The following NKAIN3 variants were observed in gnomAD, a reference collection of about 807,000 sequenced individuals.
NKAIN3 encodes sodium/potassium transporting ATPase interacting 3, also known as sodium/potassium-transporting ATPase subunit beta-1-interacting protein 3.
Under a neutral mutation model 30.2 loss-of-function variants are expected in NKAIN3, and 25 were observed. The ratio of observed to expected loss-of-function variants is 0.83; its 90% CI spans 0.60 to 1.16. The LOEUF is 1.16. Among genes scored for constraint, NKAIN3 ranks in the 50% most tolerant of loss-of-function variants. The pLI, the probability that NKAIN3 is intolerant of heterozygous loss-of-function variation, is 0.00. For missense variants in NKAIN3, 225 were observed against 254.1 expected, an observed-to-expected ratio of 0.89 and a Z score of 0.78; for synonymous variants, 91 against 89.6, an observed-to-expected ratio of 1.02 and a Z score of -0.09.
chr8:62,802,347 A>G (rs1439925524), intron 4 of NKAIN3, among the ~76,000 whole-genome samples: 2 of 152,172 alleles, frequency 1.3e-5, no homozygotes, highest in African/African-American at 4.8e-5. Flanking sequence ...ATGAAGGAAA[A>G]AATGTTAAGG....
In NKAIN3 at chr8:62,716,104, G is replaced by A. The variant is rs62509546; in HGVS notation, c.274-30828G>A. ...TCAAGGTTGTTTTGACTGAATGAGT[G>A]TAGATCCTGTTCCTCCTTTTCTACT... On this transcript the variant is annotated intron_variant, in intron 3 of 6. Transcript: ENST00000623646. 3.7e-3 allele frequency among the ~76,000 whole-genome samples: 557 copies of A among 152,204 alleles called. 1 individual carries two copies. The highest frequency in any genetic ancestry group is 6.9e-3 in the Non-Finnish European group (472 of 67,986).
intron 4 of NKAIN3, among the ~76,000 whole-genome samples, chr8:62,764,201 G>C (rs562410203): frequency 6.6e-6 from 1 of 152,320 alleles, no homozygotes; most frequent in East Asian, 1.9e-4. Context: ...TTCCTGCTCT[G>C]TCAGCTACCC....
chr8:62,305,595 CT>C (rs1814205968), intron 1 of NKAIN3, among the ~76,000 whole-genome samples: 1 of 150,430 alleles, frequency 6.6e-6, no homozygotes. Context: ...TGGAAGCTAT[CT>C]ATACTCTTTC....
chr8:62,321,570 C>T (rs1194189236), intron 1 of NKAIN3, among the ~76,000 whole-genome samples: 1 of 152,218 alleles, frequency 6.6e-6, no homozygotes, highest in Admixed American at 6.5e-5. Context: ...AGCTGCAGGT[C>T]TGTTGGATTT....
intron 4 of NKAIN3, among the ~76,000 whole-genome samples, chr8:62,801,815 T>A (rs1324639758): frequency 6.6e-6 from 1 of 152,122 alleles, no homozygotes; most frequent in African/African-American, 2.4e-5. Context: ...ACAATCAAAC[T>A]ACTCCGAGTT....
At chr8:62,654,794 C>T (rs1445169500) in intron 3 of NKAIN3, among the ~76,000 whole-genome samples, 1 of 151,700 alleles carries the variant, frequency 6.6e-6, no homozygotes, top group African/African-American at 2.4e-5. Flanking sequence ...TTCCATGAAA[C>T]AAGGGAATGA....
intron 4 of NKAIN3, among the ~76,000 whole-genome samples, chr8:62,911,670 T>C (rs1249177161): frequency 1.3e-5 from 2 of 151,984 alleles, no homozygotes; most frequent in Non-Finnish European, 2.9e-5. Context: ...AGAAATCTGG[T>C]TTATCCATGT....
chr8:62,750,570 G>C (rs987329016), intron 4 of NKAIN3, among the ~76,000 whole-genome samples: 3 of 152,066 alleles, frequency 2.0e-5, no homozygotes, highest in Non-Finnish European at 4.4e-5. Context: ...AGCTTCTGCC[G>C]GCGCCTCTGT....
At chr8:62,782,399 A>G (rs1372023181) in intron 4 of NKAIN3, among the ~76,000 whole-genome samples, 2 of 152,104 alleles carry the variant, frequency 1.3e-5, no homozygotes, top group African/African-American at 4.8e-5. Context: ...TTACCATACA[A>G]TCCAGCAATC....
At chr8:62,430,639 T>A (rs1237309524) in intron 1 of NKAIN3, among the ~76,000 whole-genome samples, 1 of 151,820 alleles carries the variant, frequency 6.6e-6, no homozygotes. Context: ...AATAAGAACT[T>A]TGCATTTAAG....
chr8:62,690,749 A>T (rs1025018799), intron 3 of NKAIN3, among the ~76,000 whole-genome samples: 1 of 152,208 alleles, frequency 6.6e-6, no homozygotes, highest in Admixed American at 6.5e-5. Flanking sequence ...CGGTCCACTG[A>T]TGAGGCACCA....
rs189498078 is a variant in NKAIN3 at position 62,650,996 on chromosome 8, T to C, written c.273+61202T>C. 6.1e-3 allele frequency among the ~76,000 whole-genome samples: 923 copies of C among 152,262 alleles called. 9 individuals carry two copies. The highest frequency in any genetic ancestry group is 0.02 in the African/African-American group (841 of 41,574). ...AACAAGAATTCTTTTGTTTTGTTTT[T>C]GCATGATCTTAATTGAGCATTTCAA... On this transcript the variant is annotated intron_variant, in intron 3 of 6. Transcript: ENST00000623646.
intron 1 of NKAIN3, among the ~76,000 whole-genome samples, chr8:62,425,779 C>T (rs1455616927): frequency 2.6e-5 from 4 of 151,866 alleles, no homozygotes; most frequent in African/African-American, 9.7e-5. Context: ...AAAATACAAG[C>T]GTTGACATTC....
chr8:62,765,772 G>A (rs1324228422), intron 4 of NKAIN3, among the ~76,000 whole-genome samples: 1 of 151,928 alleles, frequency 6.6e-6, no homozygotes, highest in Non-Finnish European at 1.5e-5. Context: ...CTATAATTCT[G>A]TATGTGTGTA....
chr8:62,769,612 G>T (rs192453976), intron 4 of NKAIN3, among the ~76,000 whole-genome samples: 30 of 152,222 alleles, frequency 2.0e-4, no homozygotes, highest in African/African-American at 6.0e-4. Flanking sequence ...GAAAAGCCAG[G>T]GCTCTCCTCC....
chr8:62,816,503 A>C (rs770585236), intron 4 of NKAIN3, among the ~76,000 whole-genome samples: 28 of 152,240 alleles, frequency 1.8e-4, no homozygotes, highest in African/African-American at 5.5e-4. Context: ...AGGTATATAC[A>C]TTGGCAGTTC....
chr8:62,347,438 G>C (rs1484204596), intron 1 of NKAIN3, among the ~76,000 whole-genome samples: 1 of 152,042 alleles, frequency 6.6e-6, no homozygotes, highest in Non-Finnish European at 1.5e-5. Flanking sequence ...CATGTTCAAA[G>C]ATTCTAAAGA....
chr8:62,726,895 A>G (rs768354724), intron 3 of NKAIN3, among the ~76,000 whole-genome samples: 3 of 152,164 alleles, frequency 2.0e-5, no homozygotes, highest in Non-Finnish European at 4.4e-5. Context: ...GAAGAAAATG[A>G]CAAGAACAGG....
chr8:62,782,283 G>A (rs139602156), intron 4 of NKAIN3, among the ~76,000 whole-genome samples: 1 of 152,136 alleles, frequency 6.6e-6, no homozygotes, highest in East Asian at 1.9e-4. Flanking sequence ...GTGCTGGCAA[G>A]CATGCTGAGA....
Sources: allele counts gnomAD v4.1 joint callset (sites outside exome capture counted in the v4.1 genomes callset), GRCh38; gene constraint gnomAD v4.1.1; transcripts MANE v1.5; gene names NCBI Gene and HGNC (gene_info 2026-07-23, HGNC 2026-07-21).